The following SIAH3 variants were observed in gnomAD, a reference collection of about 807,000 sequenced individuals.
The protein encoded by SIAH3 is siah E3 ubiquitin protein ligase family member 3.
In SIAH3, 9 loss-of-function variants were observed where a neutral mutation model predicts 12.6. The ratio of observed to expected loss-of-function variants is 0.72; its 90% confidence interval spans 0.43 to 1.25. SIAH3 has a LOEUF of 1.25. Among genes scored for constraint, SIAH3 ranks in the 50% most tolerant of loss-of-function variants. SIAH3 has a pLI of 0.00. For missense variants in SIAH3, 390 were observed against 365.4 expected, an observed-to-expected ratio of 1.07 and a Z score of -0.55; for synonymous variants, 154 against 151.1, an observed-to-expected ratio of 1.02 and a Z score of -0.14.
intron 1 of SIAH3, among the ~76,000 whole-genome samples, chr13:45,792,821 A>G (rs190571316): frequency 6.6e-6 from 1 of 152,302 alleles, no homozygotes; most frequent in African/African-American, 2.4e-5. Context: ...CAAACCACAT[A>G]CAGGAATGCT....
intron 1 of SIAH3, among the ~76,000 whole-genome samples, chr13:45,804,580 G>A (rs12873157): frequency 0.29 from 44,292 of 151,940 alleles, 7,452 homozygotes; most frequent in Non-Finnish European, 0.39. Context: ...AATATTAAAA[G>A]CCATCTATGA....
At chr13:45,836,783 A>C (rs1950719397) in intron 1 of SIAH3, among the ~76,000 whole-genome samples, 1 of 152,188 alleles carries the variant, frequency 6.6e-6, no homozygotes, top group Non-Finnish European at 1.5e-5. Context: ...AAAAGTTGAA[A>C]TAAAGAAATC....
intron 1 of SIAH3, among the ~76,000 whole-genome samples, chr13:45,805,520 G>A (rs751526882): frequency 1.3e-5 from 2 of 152,158 alleles, no homozygotes; most frequent in African/African-American, 2.4e-5. Flanking sequence ...TAATTAGCCA[G>A]CTATATGCAG....
Position 45,778,656 on chromosome 13 carries a change from TC to T in SIAH3, c.*4726del, listed in dbSNP as rs960064006. Reference sequence around the variant, plus strand: ...CACCCTGCTGTGCTCATCAGCAATGTCTAGGCAGTGGTATTAAGTCAACCCT... The same window carrying T: ...CACCCTGCTGTGCTCATCAGCAATGTTAGGCAGTGGTATTAAGTCAACCCT... On this transcript the variant is annotated 3_prime_UTR_variant, in exon 2 of 2. Coordinates refer to ENST00000400405, the MANE Select transcript of SIAH3 (RefSeq NM_198849.3). The T allele has an allele frequency of 1.1e-4, 17 of 152,154 alleles. No homozygotes were observed. Among genetic ancestry groups the T allele is most frequent in the African/African-American group, 4.1e-4 (17 of 41,432 alleles). The allele number at this position is 152,154 out of a possible 1,614,324, so 9.4% of individuals were successfully genotyped here. A position where few individuals can be genotyped will look rare whatever the true frequency, so the allele number is the denominator to read the frequency against.
chr13:45,784,249 G>A (rs180729147), intron 1 of SIAH3, among the ~76,000 whole-genome samples, 192 bp from the exon 2 acceptor site: 71 of 152,194 alleles, frequency 4.7e-4, no homozygotes, highest in African/African-American at 1.5e-3. Context: ...CTTGGGGTGG[G>A]GGGTGTTGAG....
intron 1 of SIAH3, among the ~76,000 whole-genome samples, chr13:45,793,311 G>T (rs1950552120): frequency 6.6e-6 from 1 of 152,186 alleles, no homozygotes; most frequent in South Asian, 2.1e-4. Context: ...ATGCCTCCAG[G>T]CCACATGCCA....
chr13:45,783,311 G>T lies in SIAH3; in HGVS notation c.*72C>A. 2 of 1,195,744 alleles carry T rather than the reference G, an allele frequency of 1.7e-6. No homozygotes were observed. Among genetic ancestry groups the T allele is most frequent in the Non-Finnish European group, 2.3e-6 (2 of 854,352 alleles). 74.1% of individuals were successfully genotyped at this position (1,195,744 alleles called of 1,614,324 possible). On this transcript the variant is annotated 3_prime_UTR_variant, in exon 2 of 2. Transcript: ENST00000400405. ...AAAGGAGAAGAATAAAAAGGAGTCTGGAGTCCTGGTATTGGGAGGTCCCAG... is the reference window on the plus strand; with the variant it reads ...AAAGGAGAAGAATAAAAAGGAGTCTTGAGTCCTGGTATTGGGAGGTCCCAG...
chr13:45,797,087 T>C (rs1950565394), intron 1 of SIAH3, among the ~76,000 whole-genome samples: 1 of 152,100 alleles, frequency 6.6e-6, no homozygotes, highest in Admixed American at 6.5e-5. Flanking sequence ...AGTTTATTAG[T>C]GTCTGCTAAG....
chr13:45,849,303 T>C (rs1593391107), intron 1 of SIAH3, among the ~76,000 whole-genome samples: 1 of 151,974 alleles, frequency 6.6e-6, no homozygotes, highest in East Asian at 1.9e-4. Context: ...CAAATAAGAG[T>C]GTAAGTGAAA....
At chr13:45,835,119 C>T (rs116535337) in intron 1 of SIAH3, among the ~76,000 whole-genome samples, 1 of 152,202 alleles carries the variant, frequency 6.6e-6, no homozygotes, top group Non-Finnish European at 1.5e-5. Context: ...ACCTCCCAAA[C>T]CACAAAGCTC....
chr13:45,795,871 T>C (rs185260767), intron 1 of SIAH3, among the ~76,000 whole-genome samples: 1 of 152,326 alleles, frequency 6.6e-6, no homozygotes, highest in Admixed American at 6.5e-5. Flanking sequence ...ATCTACATAA[T>C]GGAATATCAT....
rs745715345 is a variant in SIAH3, at chr13:45,783,951, AGGTGGTGGT to A, written c.233_241del (p.His78_His80del). 1.2e-6 allele frequency: 2 copies of A among 1,601,382 alleles called. No homozygotes were observed. The highest frequency in any genetic ancestry group is 1.3e-5 in the African/African-American group (1 of 74,672). The stretch of plus-strand genomic sequence containing the variant: ...GTGGTGGGGGTGGGCGTGGTGGCGG[AGGTGGTGGT>A]GGTGGCGGTGGTGGCAGTGGTGGTG... On this transcript the variant is annotated inframe_deletion, in exon 2 of 2. Transcript: ENST00000400405.
At chr13:45,815,684 T>C (rs974576145) in intron 1 of SIAH3, among the ~76,000 whole-genome samples, 8 of 152,202 alleles carry the variant, frequency 5.3e-5, no homozygotes, top group Non-Finnish European at 8.8e-5. Context: ...GGAAGGACCA[T>C]GCTTCCCAGA....
intron 1 of SIAH3, among the ~76,000 whole-genome samples, chr13:45,829,988 A>G (rs1950692708): frequency 6.6e-6 from 1 of 152,190 alleles, no homozygotes; most frequent in Non-Finnish European, 1.5e-5. Flanking sequence ...AGAAAGAAGC[A>G]TGAACCATTT....
At chr13:45,810,370 G>A (rs534214601) in intron 1 of SIAH3, among the ~76,000 whole-genome samples, 71 of 152,360 alleles carry the variant, frequency 4.7e-4, no homozygotes, top group African/African-American at 1.6e-3. Context: ...TCTTGTGTGT[G>A]TGGTTGTCAG....
At chr13:45,822,159 A>C (rs1004747635) in intron 1 of SIAH3, among the ~76,000 whole-genome samples, 2 of 152,144 alleles carry the variant, frequency 1.3e-5, no homozygotes, top group East Asian at 1.9e-4. Flanking sequence ...CTGGTGCAAC[A>C]GGGAGCTTTT....
At chr13:45,799,119 T>C (rs1950572911) in intron 1 of SIAH3, among the ~76,000 whole-genome samples, 1 of 152,196 alleles carries the variant, frequency 6.6e-6, no homozygotes, top group African/African-American at 2.4e-5. Flanking sequence ...CAAGTCTTTA[T>C]AGACAGGCCT....
rs1950489050 is a variant in SIAH3 at position 45,777,627 on chromosome 13, T to G, written c.*5756A>C. On this transcript the variant is annotated 3_prime_UTR_variant, in exon 2 of 2. Coordinates refer to ENST00000400405, the MANE Select transcript of SIAH3 (RefSeq NM_198849.3). ...GAAGTTTTTCTTCAGCTGGCTATTTTCCAGGTGAACACAATGGGGAACTCA... is the reference window on the plus strand; with the variant it reads ...GAAGTTTTTCTTCAGCTGGCTATTTGCCAGGTGAACACAATGGGGAACTCA... 6.6e-6 allele frequency: 1 copy of G among 152,202 alleles called. No individual in the cohort carries two copies. The highest frequency in any genetic ancestry group is 1.5e-5 in the Non-Finnish European group (1 of 68,032). The allele number at this position is 152,202 out of a possible 1,614,324, so 9.4% of individuals were successfully genotyped here.
At chr13:45,811,713 C>T (rs1950617099) in intron 1 of SIAH3, among the ~76,000 whole-genome samples, 1 of 152,314 alleles carries the variant, frequency 6.6e-6, no homozygotes, top group Non-Finnish European at 1.5e-5. Flanking sequence ...AGGATCCTAG[C>T]GTTCTGAAGT....
Sources: gnomAD v4.1 joint callset for allele counts (sites outside exome capture counted in the v4.1 genomes callset) on GRCh38, gnomAD v4.1.1 for gene constraint, MANE v1.5 for transcripts, NCBI Gene and HGNC (gene_info 2026-07-23, HGNC 2026-07-21) for gene names.